The following PEX13 variants were observed in gnomAD, a reference collection of about 807,000 sequenced individuals.
PEX13 encodes the protein peroxisome biogenesis factor 13.
Under a neutral mutation model 34.5 loss-of-function variants are expected in PEX13, and 28 were observed. The observed-to-expected ratio is 0.81, with a 90% CI of 0.60 to 1.11. The LOEUF (loss-of-function observed/expected upper bound fraction) is 1.11. Ranked by LOEUF, PEX13 falls within the 50% of genes most tolerant of loss-of-function variation. The pLI, the probability that PEX13 is intolerant of heterozygous loss-of-function variation, is 0.00. For synonymous variants in PEX13, 177 were observed against 175.1 expected (o/e 1.01, Z -0.09); for missense variants, 550 against 491.0 (o/e 1.12, Z -1.13).
In PEX13 at chr2:61,048,841, T is replaced by G; in HGVS notation, c.*71T>G. Reference sequence around the variant, plus strand: ...TTTAAAATTATTTCTCACAAAGAAATGAATGTACAATCCAATGAAAACATT... The same window carrying G: ...TTTAAAATTATTTCTCACAAAGAAAGGAATGTACAATCCAATGAAAACATT... On this transcript the variant is annotated 3_prime_UTR_variant, in exon 4 of 4. Coordinates refer to ENST00000295030, the MANE Select transcript of PEX13 (RefSeq NM_002618.4). 8.1e-7 allele frequency: 1 copy of G among 1,231,442 alleles called. No homozygotes were observed. Among genetic ancestry groups the G allele is most frequent in the South Asian group, 1.2e-5 (1 of 80,092 alleles). 76.3% of individuals were successfully genotyped at this position (1,231,442 alleles called of 1,614,324 possible).
chr2:61,028,211 A>G (rs1680392561), intron 1 of PEX13, among the ~76,000 whole-genome samples: 1 of 152,192 alleles, frequency 6.6e-6, no homozygotes, highest in Admixed American at 6.5e-5. Context: ...TGCGCCTCCT[A>G]AAGTAATACT....
intron 1 of PEX13, among the ~76,000 whole-genome samples, chr2:61,020,407 A>G (rs1680235551): frequency 6.6e-6 from 1 of 152,102 alleles, no homozygotes; most frequent in African/African-American, 2.4e-5. Context: ...TTTAATGTAA[A>G]TATTATGTAC....
At chr2:61,029,813 T>TAA (rs546036099) in intron 1 of PEX13, among the ~76,000 whole-genome samples, 8 of 143,348 alleles carry the variant, frequency 5.6e-5, no homozygotes, top group Non-Finnish European at 7.7e-5. Flanking sequence ...CCCTGTCTCT[T>TAA]AAAAAAAAAA....
At chr2:61,047,313 G>A (rs1324114540) in intron 3 of PEX13, among the ~76,000 whole-genome samples, 2 of 151,960 alleles carry the variant, frequency 1.3e-5, no homozygotes, top group South Asian at 2.1e-4. Context: ...ATGCCACCAC[G>A]ACCAGCTAGT....
At chr2:61,025,401 C>T (rs1680337673) in intron 1 of PEX13, among the ~76,000 whole-genome samples, 1 of 151,812 alleles carries the variant, frequency 6.6e-6, no homozygotes, top group South Asian at 2.1e-4. Context: ...CTCTGTTGCC[C>T]AGGCTGGAGT....
Position 61,050,938 on chromosome 2 carries a change from A to T in PEX13, c.*2168A>T, listed in dbSNP as rs886056207. On this transcript the variant is annotated 3_prime_UTR_variant, in exon 4 of 4. Transcript: ENST00000295030. ...ACCCAGCGATTTAGTATTTTTTTCT[A>T]ATAGACTATGTTCAACAAATAAGTA... The T allele has an allele frequency of 6.6e-6, 1 of 152,328 alleles. No homozygotes were observed. The highest frequency in any genetic ancestry group is 1.5e-5 in the Non-Finnish European group (1 of 68,032). The allele number at this position is 152,328 out of a possible 1,614,324, so 9.4% of individuals were successfully genotyped here.
chr2:61,038,928 G>A (rs1680576944), intron 2 of PEX13, among the ~76,000 whole-genome samples: 1 of 152,156 alleles, frequency 6.6e-6, no homozygotes, highest in South Asian at 2.1e-4. Context: ...CAAAATCAGT[G>A]TGCAAAAATC....
chr2:61,021,801 C>T (rs973310975), intron 1 of PEX13, among the ~76,000 whole-genome samples: 1 of 152,124 alleles, frequency 6.6e-6, no homozygotes, highest in Non-Finnish European at 1.5e-5. Flanking sequence ...GGCAGGTGTC[C>T]CTCTGGGACA....
chr2:61,018,195 G>A (rs774331732), intron 1 of PEX13: 2 of 1,550,976 alleles, frequency 1.3e-6, no homozygotes, highest in South Asian at 1.2e-5. Context: ...GTAGACTTTG[G>A]TCTGTAGCAG....
intron 2 of PEX13, among the ~76,000 whole-genome samples, chr2:61,044,843 A>C (rs1344934207): frequency 6.6e-6 from 1 of 152,222 alleles, no homozygotes; most frequent in Non-Finnish European, 1.5e-5. Flanking sequence ...AAGTTAACAC[A>C]AGCAGTATCT....
chr2:61,035,123 A>G (rs1680514768), intron 2 of PEX13, among the ~76,000 whole-genome samples: 1 of 152,218 alleles, frequency 6.6e-6, no homozygotes, highest in African/African-American at 2.4e-5. Flanking sequence ...TTGCAGAGGA[A>G]GGATCAGGCA....
intron 2 of PEX13, among the ~76,000 whole-genome samples, chr2:61,045,095 A>G (rs76957234): frequency 0.01 from 1,575 of 152,326 alleles, 36 homozygotes; most frequent in African/African-American, 0.036. Context: ...ATTCTGGCCT[A>G]TTACTCTCCC....
chr2:61,048,800 A>T lies in PEX13; in HGVS notation c.*30A>T. On this transcript the variant is annotated 3_prime_UTR_variant, in exon 4 of 4. Transcript: ENST00000295030. ...TTTCATGTTTGCCTGCAGTTGAACA[A>T]TACTTTAGAGTACTTTTTAAAATTA... 2 of 1,543,092 alleles carry T rather than the reference A, an allele frequency of 1.3e-6. No homozygotes were observed. The highest frequency in any genetic ancestry group is 1.4e-5 in the African/African-American group (1 of 73,660).
intron 1 of PEX13, among the ~76,000 whole-genome samples, chr2:61,024,637 G>A (rs999469215): frequency 3.9e-5 from 6 of 152,056 alleles, no homozygotes; most frequent in Non-Finnish European, 8.8e-5. Flanking sequence ...GTGAAGCCCC[G>A]TCTCTACTGA....
chr2:61,048,447 C>T (rs1337249994), intron 3 of PEX13, 25 bp from the exon 4 acceptor site: 1 of 1,603,912 alleles, frequency 6.2e-7, no homozygotes, highest in East Asian at 2.2e-5. Context: ...ATTGTAATTA[C>T]AAGACTGTCT....
chr2:61,028,867 C>T (rs1234122690), intron 1 of PEX13, among the ~76,000 whole-genome samples: 3 of 151,528 alleles, frequency 2.0e-5, no homozygotes, highest in African/African-American at 7.3e-5. Context: ...ACTCATGTAG[C>T]ACAATAATTT....
At chr2:61,047,107 A>G (rs1274404150) in intron 3 of PEX13, among the ~76,000 whole-genome samples, 1 of 151,640 alleles carries the variant, frequency 6.6e-6, no homozygotes, top group African/African-American at 2.4e-5. Flanking sequence ...TGTCTCAAGA[A>G]AAAAAAAACA....
At chr2:61,042,990 G>A (rs1680649053) in intron 2 of PEX13, among the ~76,000 whole-genome samples, 1 of 152,130 alleles carries the variant, frequency 6.6e-6, no homozygotes, top group Non-Finnish European at 1.5e-5. Context: ...TCATTATCTC[G>A]AGAGTGAGTT....
Position 61,018,117 on chromosome 2 carries a change from A to AG in PEX13, c.92+272dup, listed in dbSNP as rs1458494904. On this transcript the variant is annotated intron_variant, in intron 1 of 3. Transcript: ENST00000295030. ...CTCTGGGTCTCTGTGCTTGAAAGAA[A>AG]GGGGGGCGGCTTCCTACCTACCGCT... 5 of 1,546,830 alleles carry AG rather than the reference A, an allele frequency of 3.2e-6. No homozygotes were observed. The South Asian group carries it at 3.6e-5, about 11-fold the overall frequency.
Sources: allele counts gnomAD v4.1 joint callset (sites outside exome capture counted in the v4.1 genomes callset), GRCh38; gene constraint gnomAD v4.1.1; transcripts MANE v1.5; gene names NCBI Gene and HGNC (gene_info 2026-07-23, HGNC 2026-07-21).